The following NEGR1 variants were observed in gnomAD, a reference collection of about 807,000 sequenced individuals.
NEGR1 encodes neuronal growth regulator 1.
Under a neutral mutation model 40.9 loss-of-function variants are expected in NEGR1, and 10 were observed. The observed-to-expected ratio is 0.24, with a 90% CI of 0.15 to 0.42. The LOEUF (loss-of-function observed/expected upper bound fraction) is 0.42, where lower values mean the gene tolerates loss of function less well. NEGR1 is among the 10% of genes least tolerant of loss of function. The pLI is 1.00. For missense variants in NEGR1, 352 were observed against 438.9 expected (o/e 0.80, Z 1.77); for synonymous variants, 185 against 166.8 (o/e 1.11, Z -0.84).
chr1:71,808,773 T>C (rs903527739), intron 2 of NEGR1, among the ~76,000 whole-genome samples: 1 of 152,184 alleles, frequency 6.6e-6, no homozygotes, highest in Non-Finnish European at 1.5e-5. Context: ...ACATTTTTTT[T>C]CACAGTGGTA....
intron 1 of NEGR1, among the ~76,000 whole-genome samples, chr1:72,054,057 G>A (rs1569885454): frequency 6.6e-6 from 1 of 151,262 alleles, no homozygotes; most frequent in East Asian, 2.0e-4. Flanking sequence ...AATTAGCTCT[G>A]GGGAATAATT....
chr1:72,170,137 G>T (rs1490004587), intron 1 of NEGR1, among the ~76,000 whole-genome samples: 1 of 152,060 alleles, frequency 6.6e-6, no homozygotes, highest in Non-Finnish European at 1.5e-5. Context: ...GTTTTAGATA[G>T]TTCTGTGTTC....
intron 2 of NEGR1, among the ~76,000 whole-genome samples, chr1:71,848,431 C>T (rs1355993537): frequency 6.6e-6 from 1 of 152,118 alleles, no homozygotes; most frequent in African/African-American, 2.4e-5. Flanking sequence ...GGGGCTAATG[C>T]AGCTGGTGAC....
At chr1:71,780,458 T>C (rs1377870591) in intron 2 of NEGR1, among the ~76,000 whole-genome samples, 2 of 152,290 alleles carry the variant, frequency 1.3e-5, no homozygotes, top group Non-Finnish European at 2.9e-5. Context: ...CTAGTGAAAC[T>C]CTAATTAGGG....
At chr1:71,616,663 T>C (rs1043374033) in intron 4 of NEGR1, among the ~76,000 whole-genome samples, 3 of 152,204 alleles carry the variant, frequency 2.0e-5, no homozygotes, top group African/African-American at 7.2e-5. Flanking sequence ...TCTGACACTT[T>C]AGTCTGCATG....
At chr1:71,716,443 AG>A in intron 3 of NEGR1, among the ~76,000 whole-genome samples, 1 of 152,214 alleles carries the variant, frequency 6.6e-6, no homozygotes, top group Non-Finnish European at 1.5e-5. Context: ...GAATGTAGAA[AG>A]GCCAGAAATA....
chr1:71,899,786 T>C (rs540219886), intron 2 of NEGR1, among the ~76,000 whole-genome samples: 1 of 152,292 alleles, frequency 6.6e-6, no homozygotes, highest in Admixed American at 6.5e-5. Context: ...TTTAATATAT[T>C]CCATATTTGC....
chr1:72,254,738 G>A (rs1207537943), intron 1 of NEGR1, among the ~76,000 whole-genome samples: 1 of 149,588 alleles, frequency 6.7e-6, no homozygotes, highest in East Asian at 2.0e-4. Flanking sequence ...TTTATTATAT[G>A]GTTCAATATT....
At chr1:71,644,280 C>G (rs758114528) in intron 4 of NEGR1, among the ~76,000 whole-genome samples, 1 of 151,938 alleles carries the variant, frequency 6.6e-6, no homozygotes, top group South Asian at 2.1e-4. Context: ...TGCCACCTAA[C>G]TAGCTTCCTG....
At chr1:71,667,157 G>A (rs1369683062) in intron 4 of NEGR1, among the ~76,000 whole-genome samples, 1 of 152,136 alleles carries the variant, frequency 6.6e-6, no homozygotes, top group Non-Finnish European at 1.5e-5. Context: ...CAGAATTTTA[G>A]CAAATGCAAA....
At chr1:71,759,976 A>G (rs930708325) in intron 3 of NEGR1, among the ~76,000 whole-genome samples, 2 of 152,080 alleles carry the variant, frequency 1.3e-5, no homozygotes, top group African/African-American at 2.4e-5. Flanking sequence ...TACTTTCCCT[A>G]TACATGTAAC....
rs78521318 is a variant in NEGR1 at position 71,493,861 on chromosome 1, T to C, written c.941-86291A>G. Among the ~76,000 whole-genome samples, 1,521 of 152,276 alleles carry C rather than the reference T, an allele frequency of 1.0e-2. 43 individuals carry two copies. The East Asian group carries it at 0.1, about 10-fold the overall frequency. On this transcript the variant is annotated intron_variant, in intron 6 of 6. Transcript: ENST00000357731. ...TGTGTTTTGCTCTAGTCCAACTTATTTATCTCAGCTACCTAAAGCATATCC... is the reference window on the plus strand; with the variant it reads ...TGTGTTTTGCTCTAGTCCAACTTATCTATCTCAGCTACCTAAAGCATATCC...
At chr1:71,755,158 T>C (rs970983755) in intron 3 of NEGR1, among the ~76,000 whole-genome samples, 2 of 152,182 alleles carry the variant, frequency 1.3e-5, no homozygotes, top group Non-Finnish European at 2.9e-5. Context: ...TCTCATTGAA[T>C]GGCATGCCTA....
intron 4 of NEGR1, among the ~76,000 whole-genome samples, chr1:71,684,753 G>T (rs897810251): frequency 2.6e-5 from 4 of 152,220 alleles, no homozygotes; most frequent in African/African-American, 9.6e-5. Flanking sequence ...TCCTTCTCAG[G>T]AGGTACCTAC....
At chr1:71,860,689 T>C (rs1465843922) in intron 2 of NEGR1, among the ~76,000 whole-genome samples, 3 of 152,002 alleles carry the variant, frequency 2.0e-5, no homozygotes, top group African/African-American at 7.2e-5. Context: ...ACATGAAGCT[T>C]AAATCACATT....
intron 1 of NEGR1, among the ~76,000 whole-genome samples, chr1:72,093,767 A>G (rs1044971388): frequency 2.0e-5 from 3 of 152,166 alleles, no homozygotes; most frequent in Non-Finnish European, 2.9e-5. Context: ...AGATCTTGTC[A>G]GTAAATATTC....
intron 1 of NEGR1, among the ~76,000 whole-genome samples, chr1:72,205,847 T>C (rs761433665): frequency 6.7e-6 from 1 of 148,422 alleles, no homozygotes; most frequent in Non-Finnish European, 1.5e-5. Flanking sequence ...GGAGGCCAAG[T>C]TGGGAGGAGT....
intron 2 of NEGR1, among the ~76,000 whole-genome samples, chr1:71,880,778 C>T (rs1660564345): frequency 6.6e-6 from 1 of 151,944 alleles, no homozygotes. Context: ...TCGACCAAAG[C>T]TCTATGCTTA....
chr1:71,690,263 C>T (rs1653209510), intron 4 of NEGR1, among the ~76,000 whole-genome samples: 1 of 151,918 alleles, frequency 6.6e-6, no homozygotes, highest in African/African-American at 2.4e-5. Context: ...CTATAAATGG[C>T]TCTCACATAT....
Sources: allele counts gnomAD v4.1 joint callset (sites outside exome capture counted in the v4.1 genomes callset), GRCh38; gene constraint gnomAD v4.1.1; transcripts MANE v1.5; gene names NCBI Gene and HGNC (gene_info 2026-07-23, HGNC 2026-07-21).